XKR4: variants seen among roughly 807,000 people sequenced by gnomAD.
XKR4 encodes XK related 4, also known as XK-related protein 4.
Under a neutral mutation model 53.9 loss-of-function variants are expected in XKR4, and 12 were observed. That is an observed-to-expected ratio of 0.22 (90% confidence interval 0.14 to 0.36). The LOEUF (loss-of-function observed/expected upper bound fraction) is 0.36. Among genes scored for constraint, XKR4 ranks in the 10% least tolerant of loss-of-function variants. The pLI, the probability that XKR4 is intolerant of heterozygous loss-of-function variation, is 1.00. For missense variants in XKR4, 799 were observed against 859.5 expected (o/e 0.93, Z 0.88); for synonymous variants, 354 against 362.4 (o/e 0.98, Z 0.26).
At chr8:55,391,840 T>G (rs73589793) in intron 2 of XKR4, among the ~76,000 whole-genome samples, 14,440 of 152,240 alleles carry the variant, frequency 0.095, 1,409 homozygotes, top group African/African-American at 0.25. Context: ...ACCAGTGTTT[T>G]GGCTATACTA....
intron 2 of XKR4, among the ~76,000 whole-genome samples, chr8:55,473,385 T>C (rs1045365907): frequency 6.6e-6 from 1 of 152,122 alleles, no homozygotes; most frequent in South Asian, 2.1e-4. Context: ...ATTTTACTAA[T>C]TTATTCATTC....
In XKR4 at chr8:55,289,695, GAGAA is replaced by G. The variant is rs1554516162; in HGVS notation, c.807-67967_807-67964del. Among the ~76,000 whole-genome samples the G allele has an allele frequency of 1.5e-3, 128 of 87,792 alleles. 3 individuals are homozygous for G. Among genetic ancestry groups the G allele is most frequent in the South Asian group, 8.5e-3 (24 of 2,830 alleles). The allele number at this position is 87,792 out of a possible 152,430, so 57.6% of individuals were successfully genotyped here. On this transcript the variant is annotated intron_variant, in intron 1 of 2. Transcript: ENST00000327381. ...AAAGAAAGAGAAAGAAAGAAAGAAA[GAGAA>G]AGAAAGAAAGAAAGAGAGAGAAAGA...
intron 1 of XKR4, among the ~76,000 whole-genome samples, chr8:55,104,351 C>T (rs1276079899): frequency 6.6e-6 from 1 of 152,102 alleles, no homozygotes. Context: ...ACTTAGTAAA[C>T]AGGTGGTATA....
chr8:55,130,459 T>G (rs78469476), intron 1 of XKR4, among the ~76,000 whole-genome samples: 3,777 of 152,208 alleles, frequency 0.025, 139 homozygotes, highest in African/African-American at 0.085. Flanking sequence ...GCAAGTGGCA[T>G]CAGAGGAGGA....
At chr8:55,209,297 G>A (rs1357656053) in intron 1 of XKR4, among the ~76,000 whole-genome samples, 5 of 151,850 alleles carry the variant, frequency 3.3e-5, no homozygotes, top group African/African-American at 1.2e-4. Context: ...TTTACACATG[G>A]GCTCCCACAC....
intron 2 of XKR4, among the ~76,000 whole-genome samples, chr8:55,367,433 T>C (rs899087563): frequency 2.6e-5 from 4 of 152,368 alleles, no homozygotes; most frequent in Non-Finnish European, 5.9e-5. Flanking sequence ...TACTATTGAA[T>C]ATTTTTAATG....
intron 1 of XKR4, among the ~76,000 whole-genome samples, chr8:55,108,115 G>C (rs769156352): frequency 1.4e-4 from 21 of 152,182 alleles, no homozygotes; most frequent in Non-Finnish European, 2.5e-4. Context: ...TCTGAGCAAA[G>C]GTTTGAGGGA....
rs544518376 is a variant in XKR4 at position 55,509,824 on chromosome 8, G to A, written c.1007-13457G>A. Among the ~76,000 whole-genome samples the A allele has an allele frequency of 2.0e-5, 3 of 152,252 alleles. No individual in the cohort carries two copies. In the South Asian group the frequency reaches 6.2e-4, roughly 32 times the overall value. ...ATAGGTCTGATCATCTGTTCTTTCG[G>A]CAAGAAAGGCATCTCTCACAGCCAG... On this transcript the variant is annotated intron_variant, in intron 2 of 2. Transcript: ENST00000327381.
intron 2 of XKR4, among the ~76,000 whole-genome samples, chr8:55,359,980 C>T (rs1414521842): frequency 6.6e-6 from 1 of 152,200 alleles, no homozygotes; most frequent in Non-Finnish European, 1.5e-5. Context: ...CGTTGAATGC[C>T]AGACCTCGTC....
chr8:55,487,727 C>T (rs927922102), intron 2 of XKR4, among the ~76,000 whole-genome samples: 1 of 152,194 alleles, frequency 6.6e-6, no homozygotes, highest in Non-Finnish European at 1.5e-5. Context: ...CCTCAGCCTC[C>T]CAAAGTGCTG....
chr8:55,362,600 C>G lies in XKR4; in HGVS notation c.1006+4723C>G, dbSNP rs148285879. ...TAAGTCACCCAGAATTTCAGACCTC[C>G]ATGTCTGTCTAAATGACGCCAGCAA... is the stretch of plus-strand genomic sequence containing the variant. On this transcript the variant is annotated intron_variant, in intron 2 of 2. Coordinates refer to ENST00000327381, the MANE Select transcript of XKR4 (RefSeq NM_052898.2). Among the ~76,000 whole-genome samples, 305 of 152,314 alleles carry G rather than the reference C, an allele frequency of 2.0e-3. 2 individuals are homozygous for G. The highest frequency in any genetic ancestry group is 6.9e-3 in the African/African-American group (286 of 41,574).
chr8:55,357,992 C>A, intron 2 of XKR4, 115 bp downstream of exon 2: 1 of 1,015,912 alleles, frequency 9.8e-7, no homozygotes, highest in Non-Finnish European at 1.4e-6. Context: ...GATGTGTCTG[C>A]TGTTTTACAT....
At chr8:55,169,721 T>C (rs1033542755) in intron 1 of XKR4, among the ~76,000 whole-genome samples, 2 of 152,370 alleles carry the variant, frequency 1.3e-5, no homozygotes, top group South Asian at 4.1e-4. Flanking sequence ...AAGAAAGTGG[T>C]ATTAAACTCT....
intron 1 of XKR4, among the ~76,000 whole-genome samples, chr8:55,293,855 A>C (rs1819064165): frequency 6.6e-6 from 1 of 152,214 alleles, no homozygotes; most frequent in African/African-American, 2.4e-5. Flanking sequence ...ACTCATAGTT[A>C]GGAAATAAAA....
At chr8:55,235,853 G>C (rs1302544666) in intron 1 of XKR4, among the ~76,000 whole-genome samples, 1 of 152,144 alleles carries the variant, frequency 6.6e-6, no homozygotes, top group Non-Finnish European at 1.5e-5. Flanking sequence ...GGCAAGCTTT[G>C]TTGGGCCTAG....
chr8:55,452,429 C>T (rs1805465373), intron 2 of XKR4: 6 of 624,544 alleles, frequency 9.6e-6, no homozygotes, highest in Admixed American at 4.9e-5. Flanking sequence ...GCAGTGCTGG[C>T]CACCCCGCAC....
intron 1 of XKR4, among the ~76,000 whole-genome samples, chr8:55,357,113 C>T (rs1015646606): frequency 3.3e-5 from 5 of 152,150 alleles, no homozygotes; most frequent in African/African-American, 1.2e-4. Context: ...TTTTCAACTA[C>T]ATTGATATCC....
At chr8:55,476,115 C>T (rs951491403) in intron 2 of XKR4, among the ~76,000 whole-genome samples, 2 of 152,044 alleles carry the variant, frequency 1.3e-5, no homozygotes, top group Non-Finnish European at 2.9e-5. Context: ...GGATCACTCA[C>T]AGACAGTCTA....
At chr8:55,382,096 T>C (rs1804243524) in intron 2 of XKR4, among the ~76,000 whole-genome samples, 1 of 152,238 alleles carries the variant, frequency 6.6e-6, no homozygotes, top group South Asian at 2.1e-4. Flanking sequence ...GAAGGCTTTA[T>C]AACATTGTAA....
Sources: gnomAD v4.1 joint callset for allele counts (sites outside exome capture counted in the v4.1 genomes callset) on GRCh38, gnomAD v4.1.1 for gene constraint, MANE v1.5 for transcripts, NCBI Gene and HGNC (gene_info 2026-07-23, HGNC 2026-07-21) for gene names.